Variants in CD46 observed in about 807,000 individuals in gnomAD.
CD46 encodes the protein CD46 molecule, also known as membrane cofactor protein.
A neutral mutation model predicts 53.3 loss-of-function variants in CD46; 30 were observed. The observed-to-expected ratio is 0.56, with a 90% CI of 0.42 to 0.76. The LOEUF (loss-of-function observed/expected upper bound fraction) is 0.76, where lower values mean the gene tolerates loss of function less well. Ranked by LOEUF, CD46 falls within the 30% of genes least tolerant of loss-of-function variation. CD46 has a pLI of 0.00. For synonymous variants in CD46, 142 were observed against 152.0 expected, an observed-to-expected ratio of 0.93 and a Z score of 0.48; for missense variants, 409 against 463.0, an observed-to-expected ratio of 0.88 and a Z score of 1.07.
At chr1:207,767,271 T>C in intron 6 of CD46, 76 bp downstream of exon 6, 2 of 1,232,744 alleles carry the variant, frequency 1.6e-6, no homozygotes, top group Admixed American at 3.4e-5. Flanking sequence ...TTCTTTGATA[T>C]TAACTATCAG....
At chr1:207,779,913 CT>C (rs66758503) in intron 8 of CD46, among the ~76,000 whole-genome samples, 7,187 of 62,392 alleles carry the variant, frequency 0.12, 769 homozygotes, top group African/African-American at 0.17. Context: ...AAAAGCAAGT[CT>C]TTTTTTTTTT....
chr1:207,761,505 T>G lies in CD46; in HGVS notation c.673+59T>G, dbSNP rs550823522. Reference sequence around the variant, plus strand: ...AAATACTATGGAAACATTTTGTAAATAGTTTCATCTACAGATAAACAAAGC... The same window carrying G: ...AAATACTATGGAAACATTTTGTAAAGAGTTTCATCTACAGATAAACAAAGC... On this transcript the variant is annotated intron_variant, in intron 5 of 12. Coordinates refer to ENST00000367042, the MANE Select transcript of CD46 (RefSeq NM_172351.3). The G allele has an allele frequency of 1.4e-3, 1,867 of 1,340,750 alleles. 4 individuals carry two copies. The highest frequency in any genetic ancestry group is 1.7e-3 in the Non-Finnish European group (1,625 of 934,522). 83.1% of individuals were successfully genotyped at this position (1,340,750 alleles called of 1,614,324 possible).
intron 8 of CD46, among the ~76,000 whole-genome samples, chr1:207,771,091 A>C (rs1003255528): frequency 7.9e-5 from 12 of 152,182 alleles, no homozygotes; most frequent in Non-Finnish European, 1.8e-4. Context: ...ATAATCGCCA[A>C]TCTAACTGGC....
At chr1:207,753,305 A>G (rs550323740) in intron 1 of CD46, among the ~76,000 whole-genome samples, 1 of 152,372 alleles carries the variant, frequency 6.6e-6, no homozygotes, top group East Asian at 1.9e-4. Context: ...CCTGCAGCTC[A>G]TAAGCTAAAG....
chr1:207,778,404 T>G (rs113348914), intron 8 of CD46, among the ~76,000 whole-genome samples: 250 of 152,276 alleles, frequency 1.6e-3, no homozygotes, highest in Middle Eastern at 6.8e-3. Flanking sequence ...TCTTCCAGGG[T>G]TTTTATAGTT....
chr1:207,767,254 A>G, intron 6 of CD46, 59 bp downstream of exon 6: 8 of 1,425,704 alleles, frequency 5.6e-6, no homozygotes, highest in East Asian at 2.3e-5. Flanking sequence ...TTCATTTTAG[A>G]CTTTATTTCT....
intron 8 of CD46, among the ~76,000 whole-genome samples, chr1:207,773,346 C>T (rs573612746): frequency 2.3e-4 from 35 of 152,162 alleles, no homozygotes; most frequent in Non-Finnish European, 4.7e-4. Flanking sequence ...AAAAAACCAG[C>T]TCCTGGAATC....
intron 1 of CD46, among the ~76,000 whole-genome samples, chr1:207,755,507 T>C (rs1479141531): frequency 6.6e-6 from 1 of 152,210 alleles, no homozygotes; most frequent in Non-Finnish European, 1.5e-5. Context: ...TGGTTCCAGA[T>C]AGTTGAAGGA....
intron 7 of CD46, chr1:207,769,726 A>G (rs61520013): frequency 0.023 from 3,486 of 152,948 alleles, 129 homozygotes; most frequent in African/African-American, 0.078. Flanking sequence ...TACTACTTAC[A>G]GTTTTTAAAA....
chr1:207,772,010 T>G (rs1657556713), intron 8 of CD46, among the ~76,000 whole-genome samples: 1 of 152,224 alleles, frequency 6.6e-6, no homozygotes, highest in Non-Finnish European at 1.5e-5. Flanking sequence ...TTCCCAATAT[T>G]GATTCTTCCT....
At chr1:207,771,867 C>T (rs1248980042) in intron 8 of CD46, among the ~76,000 whole-genome samples, 1 of 152,116 alleles carries the variant, frequency 6.6e-6, no homozygotes, top group East Asian at 1.9e-4. Context: ...TTAGGGTTGT[C>T]TTGGCTATAT....
In CD46 at chr1:207,776,441, A is replaced by G. The variant is rs147893046; in HGVS notation, c.943+6079A>G. ...CAGAAATCACCTGTCTTCTGCATCT[A>G]TCTCGCTGGAGCTGCACACCAGAGC... On this transcript the variant is annotated intron_variant, in intron 8 of 12. Transcript: ENST00000367042. 1.2e-4 allele frequency among the ~76,000 whole-genome samples: 18 copies of G among 152,276 alleles called. No homozygotes were observed. In the East Asian group the frequency reaches 3.3e-3, roughly 28 times the overall value.
intron 5 of CD46, among the ~76,000 whole-genome samples, chr1:207,766,672 C>G (rs1395429318): frequency 3.3e-5 from 5 of 151,744 alleles, no homozygotes; most frequent in Non-Finnish European, 7.4e-5. Context: ...TAAAAACTAC[C>G]AAACAAAATT....
intron 5 of CD46, chr1:207,762,994 GA>G: frequency 6.6e-6 from 1 of 152,632 alleles, no homozygotes; most frequent in Non-Finnish European, 1.5e-5. Flanking sequence ...CAGCCCTGGG[GA>G]AAATAGAGGA....
At chr1:207,777,703 G>T (rs765338570) in intron 8 of CD46, among the ~76,000 whole-genome samples, 20 of 152,104 alleles carry the variant, frequency 1.3e-4, no homozygotes, top group Non-Finnish European at 2.6e-4. Flanking sequence ...GGGCATTTAG[G>T]TTGATTCCTT....
chr1:207,767,941 G>T, intron 7 of CD46, 118 bp downstream of exon 7: 1 of 838,942 alleles, frequency 1.2e-6, no homozygotes, highest in South Asian at 1.4e-5. Context: ...AAGGAGGGAG[G>T]ACATTTGTAT....
Position 207,793,840 on chromosome 1 carries a change from G to A in CD46, c.*363G>A. The stretch of plus-strand genomic sequence containing the variant: ...ACCAGTCAGCACAGCATGCCTGGTT[G>A]TATTAAAGCAGGGATATGCTGTATT... On this transcript the variant is annotated 3_prime_UTR_variant, in exon 13 of 13. Transcript: ENST00000367042. The A allele has an allele frequency of 2.0e-6, 1 of 494,434 alleles. No individual in the cohort carries two copies. Among genetic ancestry groups the A allele is most frequent in the South Asian group, 2.7e-5 (1 of 36,568 alleles). The allele number at this position is 494,434 out of a possible 1,614,324, so 30.6% of individuals were successfully genotyped here. A position where few individuals can be genotyped will look rare whatever the true frequency, so the allele number is the denominator to read the frequency against.
In CD46 at chr1:207,767,778, G is replaced by A. The variant is rs373127045; in HGVS notation, c.857-1G>A. On this transcript the variant is annotated splice_acceptor_variant, in intron 6 of 12. Coordinates refer to ENST00000367042, the MANE Select transcript of CD46 (RefSeq NM_172351.3). LOFTEE classifies it high-confidence loss of function. ...ATCTACATTATTATTTTGTTTTCCA[G>A]TGTCGACTTCTTCCACTACAAAATC... The A allele has an allele frequency of 8.7e-6, 14 of 1,612,598 alleles. No homozygotes were observed. The African/African-American group carries it at 1.2e-4, about 14-fold the overall frequency.
At chr1:207,787,324 G>A (rs1022163075) in intron 11 of CD46, among the ~76,000 whole-genome samples, 4 of 152,178 alleles carry the variant, frequency 2.6e-5, no homozygotes, top group South Asian at 2.1e-4. Flanking sequence ...CGCCCACCTC[G>A]GCCTCCCAAG....
Sources: gnomAD v4.1 joint callset for allele counts (sites outside exome capture counted in the v4.1 genomes callset) on GRCh38, gnomAD v4.1.1 for gene constraint, MANE v1.5 for transcripts, NCBI Gene and HGNC (gene_info 2026-07-23, HGNC 2026-07-21) for gene names.